PLEKHM1: variants seen among roughly 807,000 people sequenced by gnomAD.
PLEKHM1 encodes pleckstrin homology and RUN domain containing M1.
A neutral mutation model predicts 94.3 loss-of-function variants in PLEKHM1; 28 were observed. The observed-to-expected ratio is 0.30, with a 90% CI of 0.22 to 0.41. PLEKHM1 has a LOEUF of 0.41. Among genes scored for constraint, PLEKHM1 ranks in the 10% least tolerant of loss-of-function variants. The pLI is 1.00. For synonymous variants in PLEKHM1, 424 were observed against 581.2 expected (o/e 0.73, Z 3.89); for missense variants, 907 against 1,358.6 (o/e 0.67, Z 5.22).
chr17:45,453,959 C>T lies in PLEKHM1; in HGVS notation c.1893G>A (p.Gln631=), dbSNP rs1305122270. The change falls in exon 7 of 12, where the codon CAG becomes CAA. Residue 631 remains glutamine, a synonymous_variant. Transcript: ENST00000430334. This position sits in a 1 kb window ranked among gnomAD's most constrained non-coding sequence, Gnocchi z 4.1. ...ACTGCACGTTCACCCACTCATCCTC[C>T]TGCTGAGGCCGGACCTTCTGCAGGG... ...REALQKVRPQ[Q]EDEWVNVQYP... is the part of the protein sequence containing the mutation. The T allele has an allele frequency of 6.2e-7, 1 of 1,613,826 alleles. No homozygotes were observed. The highest frequency in any genetic ancestry group is 1.3e-5 in the African/African-American group (1 of 74,942).
Position 45,445,019 on chromosome 17 carries a change from A to G in PLEKHM1, c.2837+451T>C, listed in dbSNP as rs2050558738. The stretch of plus-strand genomic sequence containing the variant: ...CTACTTGTCTTCCCTGCCAGGCCAG[A>G]GACTTCCGGCGGGTCGGCCCTGGCT... On this transcript the variant is annotated intron_variant, in intron 9 of 11. Transcript: ENST00000430334. The surrounding 1 kb of genome is among the most constrained non-coding windows in gnomAD (Gnocchi z 4.2). 6.6e-6 allele frequency among the ~76,000 whole-genome samples: 1 copy of G among 152,106 alleles called. No individual in the cohort carries two copies. The highest frequency in any genetic ancestry group is 2.4e-5 in the African/African-American group (1 of 41,394).
At chr17:45,462,451 G>T (rs1473455505) in intron 5 of PLEKHM1, among the ~76,000 whole-genome samples, 2 of 151,958 alleles carry the variant, frequency 1.3e-5, no homozygotes, top group African/African-American at 2.4e-5. Flanking sequence ...GTGATCTCCA[G>T]CGCCTGGTGG....
At chr17:45,484,083 T>G (rs1258968338) in intron 1 of PLEKHM1, among the ~76,000 whole-genome samples, 4 of 152,204 alleles carry the variant, frequency 2.6e-5, no homozygotes, top group Admixed American at 2.6e-4. Flanking sequence ...CTCCTAAGAC[T>G]GACAGAACAG....
intron 5 of PLEKHM1, among the ~76,000 whole-genome samples, chr17:45,462,566 T>G (rs2051183982): frequency 6.6e-6 from 1 of 152,036 alleles, no homozygotes; most frequent in African/African-American, 2.4e-5. Flanking sequence ...ACCCCCTAGC[T>G]GGGTTAGGGC....
chr17:45,485,387 C>A (rs1181756321), intron 1 of PLEKHM1, among the ~76,000 whole-genome samples: 1 of 152,110 alleles, frequency 6.6e-6, no homozygotes, highest in African/African-American at 2.4e-5. Context: ...CAGGCCCACC[C>A]TTCTAGAGAG....
At chr17:45,457,172 GAAA>G (rs980455854) in intron 6 of PLEKHM1, among the ~76,000 whole-genome samples, 1 of 56,312 alleles carries the variant, frequency 1.8e-5, no homozygotes. Context: ...CTCTGCCTCA[GAAA>G]AAAAAAAAAA....
At position 45,445,882 on chromosome 17, in the gene PLEKHM1, C is replaced by T. The variant is rs1192866757; in HGVS notation, c.2644-219G>A. 1.3e-5 allele frequency among the ~76,000 whole-genome samples: 2 copies of T among 152,330 alleles called. No individual in the cohort carries two copies. The highest frequency in any genetic ancestry group is 1.5e-5 in the Non-Finnish European group (1 of 68,022). ...ACCCAGTTTATCTGACTCCCAAACC[C>T]GCTCTCCCTCTAATGACAAGGGTCA... On this transcript the variant is annotated intron_variant, in intron 8 of 11. Coordinates refer to ENST00000430334, the MANE Select transcript of PLEKHM1 (RefSeq NM_014798.3). This position sits in a 1 kb window ranked among gnomAD's most constrained non-coding sequence, Gnocchi z 4.2.
intron 8 of PLEKHM1, among the ~76,000 whole-genome samples, chr17:45,447,276 CA>C (rs1336375082): frequency 1.3e-5 from 2 of 152,224 alleles, no homozygotes; most frequent in Non-Finnish European, 2.9e-5. Flanking sequence ...CCTCCCCCAG[CA>C]ATGGACAACC....
rs1376963648 is a variant in PLEKHM1 at position 45,475,307 on chromosome 17, T to C, written c.716A>G (p.His239Arg). The change falls in exon 4 of 12, where the codon CAT (histidine) becomes CGT (arginine). Residue 239 changes from histidine (H) to arginine (R), a missense_variant. Physicochemically the swap from His to Arg is conservative, Grantham distance 29 (BLOSUM62 0). Coordinates refer to ENST00000430334, the MANE Select transcript of PLEKHM1 (RefSeq NM_014798.3). ...CAGCTTCTGGTTCCTCCGTATCTTATGGCCCGAGTGATGGACTTCGATGTC... is the reference window on the plus strand; with the variant it reads ...CAGCTTCTGGTTCCTCCGTATCTTACGGCCCGAGTGATGGACTTCGATGTC... Reference protein sequence around the residue: ...SEDIEVHHSGHKIRRNQKLTA... With the variant: ...SEDIEVHHSGRKIRRNQKLTA... The C allele has an allele frequency of 2.5e-6, 4 of 1,613,994 alleles. No individual in the cohort carries two copies. Among genetic ancestry groups the C allele is most frequent in the Non-Finnish European group, 3.4e-6 (4 of 1,179,874 alleles).
Position 45,444,785 on chromosome 17 carries a change from AG to A in PLEKHM1, c.2837+684del, listed in dbSNP as rs1452760681. Reference sequence around the variant, plus strand: ...TCTCACCTTATAAGTCACTTCCTCCAGGAAGTCCTTCCTGCTTTGTCCTCCT... The same window carrying A: ...TCTCACCTTATAAGTCACTTCCTCCAGAAGTCCTTCCTGCTTTGTCCTCCT... On this transcript the variant is annotated intron_variant, in intron 9 of 11. Transcript: ENST00000430334. This position sits in a 1 kb window ranked among gnomAD's most constrained non-coding sequence, Gnocchi z 5.0. 6.6e-6 allele frequency among the ~76,000 whole-genome samples: 1 copy of A among 151,936 alleles called. No individual in the cohort carries two copies.
intron 6 of PLEKHM1, among the ~76,000 whole-genome samples, chr17:45,456,788 A>G (rs2050965252): frequency 6.6e-6 from 1 of 152,260 alleles, no homozygotes; most frequent in African/African-American, 2.4e-5. Flanking sequence ...TTTGTTTTGA[A>G]GAGGAAACCC....
In PLEKHM1 at chr17:45,445,950, CT is replaced by C. The variant is rs1383225920; in HGVS notation, c.2644-288del. On this transcript the variant is annotated intron_variant, in intron 8 of 11. Transcript: ENST00000430334. This position sits in a 1 kb window ranked among gnomAD's most constrained non-coding sequence, Gnocchi z 4.2. ...ATGCTGAGATGAGGGAGGGACTGCT[CT>C]GATAACGCCCCCTCCCTCTGGGCCT... Among the ~76,000 whole-genome samples the C allele has an allele frequency of 1.3e-5, 2 of 152,178 alleles. No individual in the cohort carries two copies. The highest frequency in any genetic ancestry group is 4.8e-5 in the African/African-American group (2 of 41,448).
intron 10 of PLEKHM1, 191 bp from the exon 11 acceptor site, chr17:45,439,825 G>A (rs575974172): frequency 6.5e-5 from 51 of 788,408 alleles, no homozygotes; most frequent in African/African-American, 5.8e-4. Flanking sequence ...CAATGCCAGC[G>A]TCCAGCCCGT....
At chr17:45,438,547 A>T (rs12943729) in intron 11 of PLEKHM1, among the ~76,000 whole-genome samples, 4 of 150,730 alleles carry the variant, frequency 2.7e-5, no homozygotes, top group East Asian at 2.0e-4. Flanking sequence ...GAAAAAAAAA[A>T]TTTTTTTTAC....
At chr17:45,449,169 G>C (rs889661396) in intron 8 of PLEKHM1, among the ~76,000 whole-genome samples, 9 of 151,474 alleles carry the variant, frequency 5.9e-5, no homozygotes, top group Non-Finnish European at 1.5e-5. Flanking sequence ...GGGGAGTGCA[G>C]TCACCTGGGC....
Position 45,436,366 on chromosome 17 carries a change from C to T in PLEKHM1, c.*1492G>A, listed in dbSNP as rs1384552405. ...CATGACCGGGAGAAGCTGTGCGCAG[C>T]CTCCACCTGCCTGCCACCGTTGCCT... On this transcript the variant is annotated 3_prime_UTR_variant, in exon 12 of 12. Transcript: ENST00000430334. The T allele has an allele frequency of 6.6e-6, 3 of 454,042 alleles. No homozygotes were observed. Among genetic ancestry groups the T allele is most frequent in the East Asian group, 6.9e-5 (1 of 14,408 alleles). The allele number at this position is 454,042 out of a possible 1,614,324, so 28.1% of individuals were successfully genotyped here.
intron 4 of PLEKHM1, among the ~76,000 whole-genome samples, chr17:45,473,490 A>G (rs2051584912): frequency 6.6e-6 from 1 of 152,256 alleles, no homozygotes; most frequent in African/African-American, 2.4e-5. Context: ...AAAACAAGAT[A>G]TAGAACAGTG....
At position 45,436,721 on chromosome 17, in the gene PLEKHM1, T is replaced by C. The variant is rs1436308194; in HGVS notation, c.*1137A>G. On this transcript the variant is annotated 3_prime_UTR_variant, in exon 12 of 12. Coordinates refer to ENST00000430334, the MANE Select transcript of PLEKHM1 (RefSeq NM_014798.3). ...GTCCTGCTCCGGGGAACTTCTTCAG[T>C]CTCCAGTGTCCCGGCTGGGCAAGTT... 1.5e-5 allele frequency: 7 copies of C among 453,988 alleles called. No individual in the cohort carries two copies. Among genetic ancestry groups the C allele is most frequent in the African/African-American group, 1.4e-4 (7 of 49,996 alleles). The allele number at this position is 453,988 out of a possible 1,614,324, so 28.1% of individuals were successfully genotyped here. A position where few individuals can be genotyped will look rare whatever the true frequency, so the allele number is the denominator to read the frequency against.
At chr17:45,461,340 T>C (rs146254617) in intron 5 of PLEKHM1, among the ~76,000 whole-genome samples, 2,430 of 152,362 alleles carry the variant, frequency 0.016, 30 homozygotes, top group Middle Eastern at 0.041. Context: ...GTGAGGTGTC[T>C]TTTCATTTTC....
Sources: gnomAD v4.1 joint callset for allele counts (sites outside exome capture counted in the v4.1 genomes callset) on GRCh38, gnomAD v4.1.1 for gene constraint, Gnocchi (gnomAD v3.1) non-coding constraint, MANE v1.5 for transcripts, NCBI Gene and HGNC (gene_info 2026-07-23, HGNC 2026-07-21) for gene names.